Variants in C15orf39 observed in about 807,000 individuals in gnomAD.
C15orf39 encodes the protein uncharacterized protein C15orf39.
C15orf39 carries 24 observed loss-of-function variants against 53.9 expected under a neutral mutation model. The ratio of observed to expected loss-of-function variants is 0.45; its 90% CI spans 0.32 to 0.63. C15orf39 has a LOEUF of 0.63. Among genes scored for constraint, C15orf39 ranks in the 20% least tolerant of loss-of-function variants. The pLI is 0.04. For missense variants in C15orf39, 1,271 were observed against 1,347.9 expected, an observed-to-expected ratio of 0.94 and a Z score of 0.89; for synonymous variants, 569 against 576.5, an observed-to-expected ratio of 0.99 and a Z score of 0.19.
Position 75,206,277 on chromosome 15 carries a change from A to G in C15orf39, c.229A>G (p.Met77Val), listed in dbSNP as rs761978762. 2.5e-6 allele frequency: 4 copies of G among 1,614,064 alleles called. No individual in the cohort carries two copies. Among genetic ancestry groups the G allele is most frequent in the East Asian group, 2.2e-5 (1 of 44,892 alleles). ...TPYPPLYSTG[M>V]AGPPLQADNL... is the part of the protein sequence containing the mutation. ...ATACCCACCCTTGTACTCTACCGGT[A>G]TGGCAGGACCCCCACTTCAGGCAGA... The change falls in exon 2 of 3, where the codon ATG becomes GTG. Residue 77 changes from methionine to valine, a missense_variant. This residue lies in a region of C15orf39 where 994 missense variants were observed against 993.7 expected (regional missense o/e 1.00). Transcript: ENST00000394987.
At chr15:75,210,311 C>T (rs556671226) in intron 2 of C15orf39, among the ~76,000 whole-genome samples, 3 of 152,290 alleles carry the variant, frequency 2.0e-5, no homozygotes, top group Admixed American at 2.0e-4. Context: ...CTGTGCTCCC[C>T]CAGCATGGCT....
intron 1 of C15orf39, among the ~76,000 whole-genome samples, chr15:75,205,379 G>A (rs1229217609): frequency 6.6e-6 from 1 of 152,160 alleles, no homozygotes; most frequent in African/African-American, 2.4e-5. Context: ...GAGACCCAGT[G>A]CCCCTACAAA....
rs1455346427 is a variant in C15orf39 at position 75,206,414 on chromosome 15, C to T, written c.366C>T (p.Tyr122=). 10 of 1,613,906 alleles carry T rather than the reference C, an allele frequency of 6.2e-6. No individual in the cohort carries two copies. Among genetic ancestry groups the T allele is most frequent in the Non-Finnish European group, 8.5e-6 (10 of 1,179,946 alleles). ...CCTTCAGTCCCCAGGCTCACTCCTA[C>T]CCAGGCCCACCACTGGCAGCACCCA... is the stretch of plus-strand genomic sequence containing the variant. ...LLPFSPQAHS[Y]PGPPLAAPKP... Residue 122 remains tyrosine, a synonymous_variant, in exon 2 of 3, where the codon TAC becomes TAT. Coordinates refer to ENST00000394987, the MANE Select transcript of C15orf39 (RefSeq NM_015492.5).
chr15:75,206,292 C>T lies in C15orf39; in HGVS notation c.244C>T (p.Leu82Phe). ...LYSTGMAGPP[L>F]QADNLLTNCL... ...CTCTACCGGTATGGCAGGACCCCCA[C>T]TTCAGGCAGACAACCTGCTGACCAA... The change falls in exon 2 of 3, where the codon CTT becomes TTT. Residue 82 changes from leucine to phenylalanine, a missense_variant. Physicochemically the swap from Leu to Phe is conservative, Grantham distance 22. Transcript: ENST00000394987. The T allele has an allele frequency of 6.2e-7, 1 of 1,614,094 alleles. No homozygotes were observed. Among genetic ancestry groups the T allele is most frequent in the Non-Finnish European group, 8.5e-7 (1 of 1,179,978 alleles).
Position 75,206,853 on chromosome 15 carries a change from T to G in C15orf39, c.805T>G (p.Tyr269Asp). The change falls in exon 2 of 3, where the codon TAC (tyrosine) becomes GAC (aspartate). Residue 269 changes from tyrosine (Y) to aspartate (D), a missense_variant. By Grantham distance (160) the Tyr-to-Asp change is radical (BLOSUM62 -3). Coordinates refer to ENST00000394987, the MANE Select transcript of C15orf39 (RefSeq NM_015492.5). ...PPCQDTGPTH[Y>D]PPPHHPPPHP... Reference sequence around the variant, plus strand: ...CTGTCAGGACACCGGGCCCACCCACTACCCACCACCCCACCACCCACCACC... The same window carrying G: ...CTGTCAGGACACCGGGCCCACCCACGACCCACCACCCCACCACCCACCACC... 6.2e-5 allele frequency: 75 copies of G among 1,204,488 alleles called. No homozygotes were observed. Among genetic ancestry groups the G allele is most frequent in the Non-Finnish European group, 7.3e-5 (66 of 905,518 alleles). The allele number at this position is 1,204,488 out of a possible 1,614,324, so 74.6% of individuals were successfully genotyped here.
chr15:75,210,666 G>A (rs1298660998), intron 2 of C15orf39, 83 bp from the exon 3 acceptor site: 2 of 1,509,262 alleles, frequency 1.3e-6, no homozygotes, highest in Non-Finnish European at 1.8e-6. Context: ...CAGAGCAGAA[G>A]CACTGTTTGG....
In C15orf39 at chr15:75,207,042, G is replaced by A. The variant is rs759645937; in HGVS notation, c.994G>A (p.Ala332Thr). ...SPYLRQQAAQ[A>T]PYIPPLGLDA... ...CTACCTGAGGCAGCAGGCAGCCCAG[G>A]CACCTTACATTCCCCCACTGGGGCT... is the stretch of plus-strand genomic sequence containing the variant. The change falls in exon 2 of 3, where the codon GCA (alanine) becomes ACA (threonine). Residue 332 changes from alanine to threonine, a missense_variant. Ala to Thr is a moderately conservative substitution (Grantham distance 58). Around this residue, in one of 2 missense-constraint regions of C15orf39, gnomAD observed 994 missense variants for 993.7 expected, o/e 1.00. Coordinates refer to ENST00000394987, the MANE Select transcript of C15orf39 (RefSeq NM_015492.5). 45 of 1,608,510 alleles carry A rather than the reference G, an allele frequency of 2.8e-5. No homozygotes were observed. Among genetic ancestry groups the A allele is most frequent in the Non-Finnish European group, 3.7e-5 (44 of 1,177,576 alleles).
rs1257561489 is a variant in C15orf39, at chr15:75,206,954, C to T, written c.906C>T (p.Leu302=). ...PEKQGSYSPA[L]PLQPLGGHKG... is the part of the protein sequence containing the mutation. ...AGCAGGGCAGCTACAGCCCAGCACT[C>T]CCACTGCAGCCTCTGGGGGGCCACA... is the stretch of plus-strand genomic sequence containing the variant. The change falls in exon 2 of 3, where the codon CTC becomes CTT. Residue 302 remains leucine, a synonymous_variant. Coordinates refer to ENST00000394987, the MANE Select transcript of C15orf39 (RefSeq NM_015492.5). 2 of 1,565,714 alleles carry T rather than the reference C, an allele frequency of 1.3e-6. No individual in the cohort carries two copies. Among genetic ancestry groups the T allele is most frequent in the South Asian group, 1.2e-5 (1 of 82,640 alleles).
chr15:75,208,763 G>A lies in C15orf39; in HGVS notation c.2715G>A (p.Leu905=). The change falls in exon 2 of 3, where the codon CTG becomes CTA. Residue 905 remains leucine, a synonymous_variant. Transcript: ENST00000394987. ...TGAAGTTACTGGCGCTGCGCCAGCT[G>A]CCGGACATTTACCCCGACCTTCTCG... ...RMLKLLALRQ[L]PDIYPDLLGL... 6.2e-7 allele frequency: 1 copy of A among 1,607,790 alleles called. No individual in the cohort carries two copies. Among genetic ancestry groups the A allele is most frequent in the Non-Finnish European group, 8.5e-7 (1 of 1,179,776 alleles).
Position 75,207,776 on chromosome 15 carries a change from G to C in C15orf39, c.1728G>C (p.Leu576Phe). The change falls in exon 2 of 3, where the codon TTG (leucine) becomes TTC (phenylalanine). Residue 576 changes from leucine (L) to phenylalanine (F), a missense_variant. Around this residue, in one of 2 missense-constraint regions of C15orf39, gnomAD observed 994 missense variants for 993.7 expected, o/e 1.00. Transcript: ENST00000394987. ...TTAAGGAGGAGGTAGCCCTGGATTT[G>C]AGTGTGAGGAAGCCCACAGCAGAGG... Reference protein sequence around the residue: ...GSLKEEVALDLSVRKPTAEAS... With the variant: ...GSLKEEVALDFSVRKPTAEAS... 6.2e-7 allele frequency: 1 copy of C among 1,611,576 alleles called. No homozygotes were observed. Among genetic ancestry groups the C allele is most frequent in the South Asian group, 1.1e-5 (1 of 90,930 alleles).
At chr15:75,209,205 A>T (rs2070466120) in intron 2 of C15orf39, 1 of 218,646 alleles carries the variant, frequency 4.6e-6, no homozygotes, top group South Asian at 7.1e-5. Context: ...CCAGCCTAGC[A>T]TCCCCTTTGT....
At position 75,207,726 on chromosome 15, in the gene C15orf39, G is replaced by T; in HGVS notation, c.1678G>T (p.Gly560Trp). The change falls in exon 2 of 3, where the codon GGG becomes TGG. Residue 560 changes from glycine (G) to tryptophan (W), a missense_variant. This residue lies in a region of C15orf39 where 994 missense variants were observed against 993.7 expected (regional missense o/e 1.00). Coordinates refer to ENST00000394987, the MANE Select transcript of C15orf39 (RefSeq NM_015492.5). ...GTLPAQEGPS[G>W]SKPLRGSLKE... ...CCTGCCTGCCCAGGAGGGCCCCTCA[G>T]GGAGTAAACCCCTAAGGGGCTCACT... 1 of 1,603,012 alleles carries T rather than the reference G, an allele frequency of 6.2e-7. No individual in the cohort carries two copies. The highest frequency in any genetic ancestry group is 1.1e-5 in the South Asian group (1 of 90,002).
In C15orf39 at chr15:75,208,042, C is replaced by T; in HGVS notation, c.1994C>T (p.Ala665Val). The change falls in exon 2 of 3, where the codon GCC (alanine) becomes GTC (valine). Residue 665 changes from alanine to valine, a missense_variant. Ala to Val is a moderately conservative substitution (Grantham distance 64, BLOSUM62 0). This residue lies in a region of C15orf39 where 994 missense variants were observed against 993.7 expected (regional missense o/e 1.00). Coordinates refer to ENST00000394987, the MANE Select transcript of C15orf39 (RefSeq NM_015492.5). ...CTCCGTCCGGCACCTTTGCCTGCAG[C>T]CGTGGTCCCGTCCACGCCCACCTCA... ...KILRPAPLPA[A>V]VVPSTPTSAP... is the part of the protein sequence containing the mutation. The T allele has an allele frequency of 1.2e-6, 2 of 1,614,078 alleles. No individual in the cohort carries two copies. Among genetic ancestry groups the T allele is most frequent in the Non-Finnish European group, 8.5e-7 (1 of 1,180,032 alleles).
rs762776377 is a variant in C15orf39, at chr15:75,207,676, G to T, written c.1628G>T (p.Gly543Val). 1 of 1,609,026 alleles carries T rather than the reference G, an allele frequency of 6.2e-7. No homozygotes were observed. ...EPDSAPATSE[G>V]QDKGCRGTLP... ...GACTCAGCCCCAGCCACCAGTGAAGGTCAGGACAAAGGCTGCAGGGGGACC... is the reference window on the plus strand; with the variant it reads ...GACTCAGCCCCAGCCACCAGTGAAGTTCAGGACAAAGGCTGCAGGGGGACC... The change falls in exon 2 of 3, where the codon GGT (glycine) becomes GTT (valine). Residue 543 changes from glycine to valine, a missense_variant. By Grantham distance (109) the Gly-to-Val change is moderately radical (BLOSUM62 -3). Coordinates refer to ENST00000394987, the MANE Select transcript of C15orf39 (RefSeq NM_015492.5).
rs779053876 is a variant in C15orf39 at position 75,211,132 on chromosome 15, C to G, written c.*16C>G. ...TCACCTGTAGCACTGGTTGCCAGTG[C>G]TGTGTGTATAGCAGTCACTCTCCAC... On this transcript the variant is annotated 3_prime_UTR_variant, in exon 3 of 3. Transcript: ENST00000394987. 6.3e-7 allele frequency: 1 copy of G among 1,585,956 alleles called. No individual in the cohort carries two copies. Among genetic ancestry groups the G allele is most frequent in the Non-Finnish European group, 8.5e-7 (1 of 1,172,152 alleles).
Position 75,211,303 on chromosome 15 carries a change from A to C in C15orf39, c.*187A>C, listed in dbSNP as rs73437081. ...CTGAGCTTTTAACGTGAGGGTCTTT[A>C]TTGGATAGGACTACTCCCTATTTCT... is the stretch of plus-strand genomic sequence containing the variant. On this transcript the variant is annotated 3_prime_UTR_variant, in exon 3 of 3. Coordinates refer to ENST00000394987, the MANE Select transcript of C15orf39 (RefSeq NM_015492.5). The C allele has an allele frequency of 5.0e-3, 3,485 of 703,060 alleles. 59 individuals are homozygous for C. Among genetic ancestry groups the C allele is most frequent in the African/African-American group, 0.039 (2,164 of 56,046 alleles). The allele number at this position is 703,060 out of a possible 1,614,324, so 43.6% of individuals were successfully genotyped here.
rs951823939 is a variant in C15orf39 at position 75,207,169 on chromosome 15, A to T, written c.1121A>T (p.Gln374Leu). Residue 374 changes from glutamine (Q) to leucine (L), a missense_variant, in exon 2 of 3, where the codon CAG becomes CTG. Physicochemically the swap from Gln to Leu is moderately radical, Grantham distance 113. Around this residue, in one of 2 missense-constraint regions of C15orf39, gnomAD observed 994 missense variants for 993.7 expected, o/e 1.00. Transcript: ENST00000394987. ...TPRCPLDFAP[Q>L]TLSFPYARDD... ...CGGTGCCCATTGGACTTTGCCCCCC[A>T]GACACTGAGTTTTCCTTATGCCCGG... 1.9e-6 allele frequency: 3 copies of T among 1,613,500 alleles called. No individual in the cohort carries two copies. The highest frequency in any genetic ancestry group is 2.5e-6 in the Non-Finnish European group (3 of 1,179,942).
At chr15:75,210,525 G>A (rs936649803) in intron 2 of C15orf39, among the ~76,000 whole-genome samples, 3 of 152,214 alleles carry the variant, frequency 2.0e-5, no homozygotes, top group Admixed American at 2.0e-4. Context: ...TACCCAAACA[G>A]CCTCTCCTGA....
At position 75,208,082 on chromosome 15, in the gene C15orf39, A is replaced by G. The variant is rs776504974; in HGVS notation, c.2034A>G (p.Thr678=). The G allele has an allele frequency of 1.9e-6, 3 of 1,613,840 alleles. No individual in the cohort carries two copies. Among genetic ancestry groups the G allele is most frequent in the East Asian group, 4.5e-5 (2 of 44,890 alleles). ...PSTPTSAPAP[T]QPAPTPTSGP... is the part of the protein sequence containing the mutation. ...CGCCCACCTCAGCTCCTGCTCCCAC[A>G]CAGCCTGCACCCACCCCCACATCTG... Residue 678 remains threonine, a synonymous_variant, in exon 2 of 3, where the codon ACA becomes ACG. Transcript: ENST00000394987.
Sources: allele counts gnomAD v4.1 joint callset (sites outside exome capture counted in the v4.1 genomes callset), GRCh38; gene constraint gnomAD v4.1.1; regional missense constraint gnomAD v4.1.1; transcripts MANE v1.5; gene names NCBI Gene and HGNC (gene_info 2026-07-23, HGNC 2026-07-21).